LYPLAL1: variants seen among roughly 807,000 people sequenced by gnomAD.
The protein encoded by LYPLAL1 is lysophospholipase like 1, also known as lysophospholipase-like protein 1.
Under a neutral mutation model 19.7 loss-of-function variants are expected in LYPLAL1, and 23 were observed. That is an observed-to-expected ratio of 1.17 (90% CI 0.84 to 1.65). The LOEUF is 1.65. LYPLAL1 is among the 40% of genes most tolerant of loss of function. LYPLAL1 has a pLI of 0.00. For synonymous variants in LYPLAL1, 119 were observed against 96.3 expected (o/e 1.24, Z -1.38); for missense variants, 355 against 279.4 (o/e 1.27, Z -1.93).
chr1:219,313,895 G>A, the LYPLAL1 span, among the ~76,000 whole-genome samples: 1 of 152,102 alleles, frequency 6.6e-6, no homozygotes, highest in Non-Finnish European at 1.5e-5. Flanking sequence ...AGTGTCACAG[G>A]GGTTTGATGT....
At chr1:219,288,071 T>G in the LYPLAL1 span, among the ~76,000 whole-genome samples, 2,442 of 152,304 alleles carry the variant, frequency 0.016, 20 homozygotes, top group Non-Finnish European at 0.023. Context: ...TATAGCAGTG[T>G]GAGAACGGGC....
the LYPLAL1 span, among the ~76,000 whole-genome samples, chr1:219,369,005 T>C: frequency 6.6e-6 from 1 of 152,244 alleles, no homozygotes; most frequent in Non-Finnish European, 1.5e-5. Flanking sequence ...TTGAGCAAGC[T>C]CATTTAACTT....
the LYPLAL1 span, among the ~76,000 whole-genome samples, chr1:219,412,289 A>G: frequency 6.6e-6 from 1 of 152,120 alleles, no homozygotes; most frequent in Admixed American, 6.5e-5. Flanking sequence ...GGCCTCCCAA[A>G]GTGCTGAGAT....
At position 219,174,116 on chromosome 1, in the gene LYPLAL1, C is replaced by T. The variant is rs1655602417; in HGVS notation, c.91+135C>T. On this transcript the variant is annotated intron_variant, in intron 1 of 4. Coordinates refer to ENST00000366928, the MANE Select transcript of LYPLAL1 (RefSeq NM_138794.5). ...TGGGTGGCTCCCCCGTCGCCAGCCC[C>T]GGCTGTAGATGCACGGGCAGCGCCA... 4.1e-6 allele frequency: 6 copies of T among 1,476,614 alleles called. No individual in the cohort carries two copies. In the South Asian group the frequency reaches 5.2e-5, roughly 13 times the overall value. 91.5% of individuals were successfully genotyped at this position (1,476,614 alleles called of 1,614,324 possible).
chr1:219,419,336 G>A, the LYPLAL1 span, among the ~76,000 whole-genome samples: 23 of 152,242 alleles, frequency 1.5e-4, 1 homozygote, highest in East Asian at 9.7e-4. Flanking sequence ...GAGTCCCTGT[G>A]CCAGCGATCA....
the LYPLAL1 span, among the ~76,000 whole-genome samples, chr1:219,223,868 G>A: frequency 6.6e-6 from 1 of 151,894 alleles, no homozygotes; most frequent in African/African-American, 2.4e-5. Flanking sequence ...TTGGTATTTT[G>A]TTTTGTTTTT....
chr1:219,204,277 T>G (rs1348543282), intron 3 of LYPLAL1, among the ~76,000 whole-genome samples: 2 of 152,222 alleles, frequency 1.3e-5, no homozygotes, highest in Non-Finnish European at 1.5e-5. Context: ...GTATAGTCAT[T>G]GACAGAACCA....
At chr1:219,363,254 A>G in the LYPLAL1 span, among the ~76,000 whole-genome samples, 3 of 152,134 alleles carry the variant, frequency 2.0e-5, no homozygotes, top group Non-Finnish European at 4.4e-5. Context: ...CCTCTTCATA[A>G]TCAATTATCT....
chr1:219,339,348 T>C, the LYPLAL1 span, among the ~76,000 whole-genome samples: 2 of 152,032 alleles, frequency 1.3e-5, no homozygotes, highest in Non-Finnish European at 2.9e-5. Context: ...TGAGTGTAAC[T>C]ACCTTGTCTA....
At chr1:219,260,708 A>G in the LYPLAL1 span, among the ~76,000 whole-genome samples, 1 of 150,122 alleles carries the variant, frequency 6.7e-6, no homozygotes, top group Admixed American at 6.7e-5. Context: ...ATACAGACAC[A>G]TGCATAAATA....
intron 2 of LYPLAL1, among the ~76,000 whole-genome samples, chr1:219,190,711 G>A (rs1309019600): frequency 1.4e-5 from 2 of 143,618 alleles, no homozygotes; most frequent in African/African-American, 5.1e-5. Flanking sequence ...TGAAATATAT[G>A]CAACAAATAT....
At chr1:219,356,763 A>T in the LYPLAL1 span, among the ~76,000 whole-genome samples, 1 of 152,232 alleles carries the variant, frequency 6.6e-6, no homozygotes, top group Admixed American at 6.5e-5. Flanking sequence ...ATTACTTGCA[A>T]TATGAAGTCT....
chr1:219,206,621 A>G (rs928274437), intron 3 of LYPLAL1, among the ~76,000 whole-genome samples: 3 of 151,992 alleles, frequency 2.0e-5, no homozygotes, highest in African/African-American at 4.8e-5. Flanking sequence ...ATTTTTCTTC[A>G]TTGTAACTTA....
the LYPLAL1 span, among the ~76,000 whole-genome samples, chr1:219,385,984 A>G: frequency 1.3e-5 from 2 of 152,200 alleles, no homozygotes; most frequent in Non-Finnish European, 2.9e-5. Context: ...TGAGACCTCC[A>G]AACTATCACC....
chr1:219,412,053 T>G, the LYPLAL1 span: 1 of 152,272 alleles, frequency 6.6e-6, no homozygotes, highest in Non-Finnish European at 1.5e-5. Flanking sequence ...GTTTGTTTGT[T>G]GTTGTCGTTT....
the LYPLAL1 span, among the ~76,000 whole-genome samples, chr1:219,405,379 A>G: frequency 1.3e-5 from 2 of 152,214 alleles, no homozygotes; most frequent in Non-Finnish European, 2.9e-5. Context: ...GTAAATTTGT[A>G]TATTTGTTCT....
At chr1:219,334,259 T>C in the LYPLAL1 span, among the ~76,000 whole-genome samples, 8 of 152,028 alleles carry the variant, frequency 5.3e-5, no homozygotes, top group Non-Finnish European at 1.2e-4. Flanking sequence ...TTTTCTGATA[T>C]AACTGAGAAT....
At chr1:219,430,324 C>T in the LYPLAL1 span, among the ~76,000 whole-genome samples, 2 of 145,290 alleles carry the variant, frequency 1.4e-5, no homozygotes, top group African/African-American at 5.1e-5. Context: ...TTTTCTATAA[C>T]CCAGGTTCCA....
At chr1:219,443,924 A>G in the LYPLAL1 span, among the ~76,000 whole-genome samples, 1 of 152,172 alleles carries the variant, frequency 6.6e-6, no homozygotes, top group Non-Finnish European at 1.5e-5. Context: ...TGCAGGGCCC[A>G]CTCATACATA....
Sources: gnomAD v4.1 joint callset for allele counts (sites outside exome capture counted in the v4.1 genomes callset) on GRCh38, gnomAD v4.1.1 for gene constraint, MANE v1.5 for transcripts, NCBI Gene and HGNC (gene_info 2026-07-23, HGNC 2026-07-21) for gene names.